Variants in RRM1 observed in about 807,000 individuals in gnomAD.
RRM1 encodes ribonucleoside-diphosphate reductase large subunit.
A neutral mutation model predicts 101.5 loss-of-function variants in RRM1; 19 were observed. That is an observed-to-expected ratio of 0.19 (90% CI 0.13 to 0.27). RRM1 has a LOEUF of 0.27. Ranked by LOEUF, RRM1 falls within the 10% of genes least tolerant of loss-of-function variation. RRM1 has a pLI of 1.00. For missense variants in RRM1, 500 were observed against 962.9 expected (o/e 0.52, Z 6.36); for synonymous variants, 298 against 323.4 (o/e 0.92, Z 0.84).
At position 4,126,780 on chromosome 11, in the gene RRM1, G is replaced by A. The variant is rs753350029; in HGVS notation, c.1417G>A (p.Val473Ile). The A allele has an allele frequency of 1.3e-5, 21 of 1,613,566 alleles. No individual in the cohort carries two copies. The highest frequency in any genetic ancestry group is 1.6e-4 in the Middle Eastern group (1 of 6,084). Reference protein sequence around the residue: ...FKKLAEVTKVVVRNLNKIIDI... With the variant: ...FKKLAEVTKVIVRNLNKIIDI... ...GAAGTTGGCTGAAGTCACTAAAGTC[G>A]TTGTCCGAAACTTGAATAAAATTAT... The change falls in exon 13 of 19, where the codon GTT becomes ATT. Residue 473 changes from valine to isoleucine, a missense_variant. Physicochemically the swap from Val to Ile is conservative, Grantham distance 29. Coordinates refer to ENST00000300738, the MANE Select transcript of RRM1 (RefSeq NM_001033.5).
At chr11:4,123,033 TA>T in intron 11 of RRM1, 149 bp from the exon 12 acceptor site, 2 of 666,854 alleles carry the variant, frequency 3.0e-6, no homozygotes, top group South Asian at 2.2e-5. Context: ...TTAGCTAGAG[TA>T]AAATAAATAT....
intron 12 of RRM1, among the ~76,000 whole-genome samples, chr11:4,124,978 G>C (rs994193254): frequency 1.3e-5 from 2 of 148,912 alleles, no homozygotes; most frequent in Non-Finnish European, 3.0e-5. Context: ...GTAGTGGCTC[G>C]ATCTCGGCTC....
At chr11:4,109,576 G>C (rs1486821928) in intron 4 of RRM1, 68 bp from the exon 5 acceptor site, 2 of 1,290,474 alleles carry the variant, frequency 1.5e-6, no homozygotes, top group Non-Finnish European at 2.2e-6. Context: ...AGGGCCGAGA[G>C]ATAAGAGATT....
intron 4 of RRM1, among the ~76,000 whole-genome samples, chr11:4,108,795 T>C (rs191421382): frequency 6.6e-5 from 10 of 152,092 alleles, no homozygotes; most frequent in African/African-American, 2.2e-4. Flanking sequence ...TAGTCAAGTA[T>C]TTCAGTTCTC....
chr11:4,132,192 C>T lies in RRM1; in HGVS notation c.1770-94C>T. 8.2e-7 allele frequency: 1 copy of T among 1,214,858 alleles called. No homozygotes were observed. Among genetic ancestry groups the T allele is most frequent in the Non-Finnish European group, 1.2e-6 (1 of 833,954 alleles). The allele number at this position is 1,214,858 out of a possible 1,614,324, so 75.3% of individuals were successfully genotyped here. A position where few individuals can be genotyped will look rare whatever the true frequency, so the allele number is the denominator to read the frequency against. On this transcript the variant is annotated intron_variant, in intron 15 of 18. Transcript: ENST00000300738. This position sits in a 1 kb window ranked among gnomAD's most constrained non-coding sequence, Gnocchi z 4.1. ...TACGATGTTACATTTACATTTACTACATTTATCTACATTTACTACAGTGAC... is the reference window on the plus strand; with the variant it reads ...TACGATGTTACATTTACATTTACTATATTTATCTACATTTACTACAGTGAC...
intron 5 of RRM1, among the ~76,000 whole-genome samples, chr11:4,111,061 G>C (rs544357177): frequency 8.9e-4 from 135 of 151,958 alleles, no homozygotes; most frequent in Non-Finnish European, 1.8e-3. Context: ...TTTTCATGCA[G>C]TCTCTGCCGA....
In RRM1 at chr11:4,115,882, A is replaced by C. The variant is rs148924435; in HGVS notation, c.651-2438A>C. ...CTACTTCCACTTATATCTCGATAGGAGAATATATAATATGACCTCAGAGCA... is the reference window on the plus strand; with the variant it reads ...CTACTTCCACTTATATCTCGATAGGCGAATATATAATATGACCTCAGAGCA... On this transcript the variant is annotated intron_variant, in intron 7 of 18. Coordinates refer to ENST00000300738, the MANE Select transcript of RRM1 (RefSeq NM_001033.5). 9.0e-3 allele frequency among the ~76,000 whole-genome samples: 1,367 copies of C among 152,238 alleles called. 27 individuals are homozygous for C. Among genetic ancestry groups the C allele is most frequent in the Admixed American group, 0.038 (585 of 15,286 alleles).
intron 2 of RRM1, among the ~76,000 whole-genome samples, chr11:4,102,923 T>G (rs1231404229): frequency 1.3e-5 from 2 of 152,236 alleles, no homozygotes; most frequent in African/African-American, 4.8e-5. Flanking sequence ...TGTCCTGGAC[T>G]TCCTCTAATC....
intron 17 of RRM1, among the ~76,000 whole-genome samples, chr11:4,133,863 A>G (rs1054179973): frequency 2.6e-5 from 4 of 152,196 alleles, no homozygotes; most frequent in African/African-American, 9.7e-5. Flanking sequence ...GCAATAATAT[A>G]AAAAAGTAGT....
chr11:4,127,305 C>T, intron 14 of RRM1, 49 bp downstream of exon 14: 1 of 1,202,662 alleles, frequency 8.3e-7, no homozygotes, highest in South Asian at 1.6e-5. Context: ...CTGTAGTGGG[C>T]TGAATGGTGA....
chr11:4,128,066 C>T (rs2094592749), intron 14 of RRM1, among the ~76,000 whole-genome samples: 1 of 151,902 alleles, frequency 6.6e-6, no homozygotes, highest in Non-Finnish European at 1.5e-5. Context: ...GACCATCTCT[C>T]GTTTCAAAAG....
rs866955333 is a variant in RRM1, at chr11:4,130,086, A to T, written c.1769+936A>T. On this transcript the variant is annotated intron_variant, in intron 15 of 18. Coordinates refer to ENST00000300738, the MANE Select transcript of RRM1 (RefSeq NM_001033.5). Reference sequence around the variant, plus strand: ...TGTATTTATATATATATATATATATATTTTTTTTTTTTTTTTTTCCCCTCA... The same window carrying T: ...TGTATTTATATATATATATATATATTTTTTTTTTTTTTTTTTTTCCCCTCA... Among the ~76,000 whole-genome samples the T allele has an allele frequency of 7.6e-4, 76 of 99,448 alleles. 1 individual carries two copies. The highest frequency in any genetic ancestry group is 1.5e-3 in the East Asian group (5 of 3,408). 65.2% of individuals were successfully genotyped at this position (99,448 alleles called of 152,430 possible). A position where few individuals can be genotyped will look rare whatever the true frequency, so the allele number is the denominator to read the frequency against.
At position 4,126,894 on chromosome 11, in the gene RRM1, C is replaced by G. The variant is rs1032606569; in HGVS notation, c.1470+61C>G. ...GAAATCCAAATTGAAAGGAATCAATCATGATCTTCAAGTCATCATTTAAAT... is the reference window on the plus strand; with the variant it reads ...GAAATCCAAATTGAAAGGAATCAATGATGATCTTCAAGTCATCATTTAAAT... On this transcript the variant is annotated intron_variant, in intron 13 of 18. Coordinates refer to ENST00000300738, the MANE Select transcript of RRM1 (RefSeq NM_001033.5). 9.5e-6 allele frequency: 14 copies of G among 1,475,308 alleles called. No homozygotes were observed. In the African/African-American group the frequency reaches 1.8e-4, roughly 19 times the overall value. 91.4% of individuals were successfully genotyped at this position (1,475,308 alleles called of 1,614,324 possible). A position where few individuals can be genotyped will look rare whatever the true frequency, so the allele number is the denominator to read the frequency against.
At position 4,132,866 on chromosome 11, in the gene RRM1, G is replaced by A. The variant is rs2094602722; in HGVS notation, c.1905+445G>A. The stretch of plus-strand genomic sequence containing the variant: ...TAAGGTTCCCAGGTAATTCTTATGT[G>A]TAGCTAGGGTTGAGAACCTCAATTT... On this transcript the variant is annotated intron_variant, in intron 16 of 18. Transcript: ENST00000300738. The surrounding 1 kb of genome is among the most constrained non-coding windows in gnomAD (Gnocchi z 4.1). 6.6e-6 allele frequency among the ~76,000 whole-genome samples: 1 copy of A among 152,118 alleles called. No homozygotes were observed. Among genetic ancestry groups the A allele is most frequent in the South Asian group, 2.1e-4 (1 of 4,818 alleles).
At chr11:4,110,663 G>C (rs1037053835) in intron 5 of RRM1, among the ~76,000 whole-genome samples, 4 of 151,570 alleles carry the variant, frequency 2.6e-5, no homozygotes, top group Non-Finnish European at 5.9e-5. Context: ...CAGCTACTTG[G>C]GGGGCTGAGG....
In RRM1 at chr11:4,129,125, A is replaced by G; in HGVS notation, c.1744A>G (p.Lys582Glu). Residue 582 changes from lysine to glutamate, a missense_variant, in exon 15 of 19, where the codon AAG (lysine) becomes GAG (glutamate). Coordinates refer to ENST00000300738, the MANE Select transcript of RRM1 (RefSeq NM_001033.5). ...NVTPTDLWDW[K>E]VLKEKIAKYG... ...TACTCCTACAGACCTATGGGACTGG[A>G]AGGTTCTCAAGGAGAAGATTGCAAA... 1 of 1,604,690 alleles carries G rather than the reference A, an allele frequency of 6.2e-7. No homozygotes were observed. Among genetic ancestry groups the G allele is most frequent in the Non-Finnish European group, 8.5e-7 (1 of 1,173,360 alleles).
chr11:4,130,292 T>C (rs976312929), intron 15 of RRM1, among the ~76,000 whole-genome samples: 1 of 151,862 alleles, frequency 6.6e-6, no homozygotes, highest in African/African-American at 2.4e-5. Flanking sequence ...TAACTTATTC[T>C]TTTTCCCAGA....
intron 11 of RRM1, among the ~76,000 whole-genome samples, chr11:4,122,580 A>T (rs2094583389): frequency 6.6e-6 from 1 of 152,218 alleles, no homozygotes; most frequent in African/African-American, 2.4e-5. Context: ...GTAGTTTATT[A>T]AAATTAAATA....
At chr11:4,115,333 G>A (rs2094571315) in intron 7 of RRM1, among the ~76,000 whole-genome samples, 1 of 152,060 alleles carries the variant, frequency 6.6e-6, no homozygotes, top group African/African-American at 2.4e-5. Context: ...CCAATCAAAA[G>A]TATCCTTGTA....
Sources: allele counts gnomAD v4.1 joint callset (sites outside exome capture counted in the v4.1 genomes callset), GRCh38; gene constraint gnomAD v4.1.1; non-coding constraint Gnocchi (gnomAD v3.1); transcripts MANE v1.5; gene names NCBI Gene and HGNC (gene_info 2026-07-23, HGNC 2026-07-21).